Variants in TANC2 observed in about 807,000 individuals in gnomAD.
TANC2 encodes tetratricopeptide repeat, ankyrin repeat and coiled-coil containing 2.
TANC2 carries 26 observed loss-of-function variants against 210.5 expected under a neutral mutation model. That is an observed-to-expected ratio of 0.12 (90% CI 0.09 to 0.17). The LOEUF (loss-of-function observed/expected upper bound fraction) is 0.17, where lower values mean the gene tolerates loss of function less well. Ranked by LOEUF, TANC2 falls within the 10% of genes least tolerant of loss-of-function variation. The pLI is 1.00. For synonymous variants in TANC2, 931 were observed against 967.1 expected (o/e 0.96, Z 0.69); for missense variants, 2,129 against 2,608.9 (o/e 0.82, Z 4.01).
intron 5 of TANC2, among the ~76,000 whole-genome samples, chr17:63,175,186 T>G (rs979985851): frequency 6.6e-6 from 1 of 152,168 alleles, no homozygotes; most frequent in Non-Finnish European, 1.5e-5. Flanking sequence ...TACAAAAGAA[T>G]AATAAAGTTA....
rs372966886 is a variant in TANC2, at chr17:63,019,914, TTTTGTTTG to T, written c.67+10306_67+10313del. ...AAAATATATTCTCCCAGTCTATAGT[TTTTGTTTG>T]TTTGTTTGTTTGTTTGTATTTTGAG... On this transcript the variant is annotated intron_variant, in intron 2 of 27. Transcript: ENST00000689528. Among the ~76,000 whole-genome samples the T allele has an allele frequency of 6.6e-5, 10 of 152,114 alleles. No individual in the cohort carries two copies. The South Asian group carries it at 1.2e-3, about 19-fold the overall frequency.
chr17:63,359,486 C>T (rs1431694793), intron 14 of TANC2, among the ~76,000 whole-genome samples: 1 of 151,884 alleles, frequency 6.6e-6, no homozygotes, highest in African/African-American at 2.4e-5. Context: ...TGGGATATTA[C>T]AGGTACCTGC....
chr17:63,314,708 C>T (rs1228276553), intron 10 of TANC2, 39 bp downstream of exon 10: 17 of 1,594,214 alleles, frequency 1.1e-5, no homozygotes, highest in South Asian at 3.4e-5. Context: ...GTTTCATTGG[C>T]GCTGAAGTTT....
rs2031722487 is a variant in TANC2, at chr17:62,971,970, T to G, written c.-24+5221T>G. ...GCCAAAAAGGTTGGGGACCGCTGTT[T>G]CAGAGGACATTTTACTTTGCGTATT... On this transcript the variant is annotated intron_variant, in intron 1 of 27. Coordinates refer to ENST00000689528, the Ensembl canonical transcript of TANC2. Among the ~76,000 whole-genome samples, 3 of 152,334 alleles carry G rather than the reference T, an allele frequency of 2.0e-5. No homozygotes were observed. In the South Asian group the frequency reaches 6.2e-4, roughly 32 times the overall value.
intron 11 of TANC2, among the ~76,000 whole-genome samples, chr17:63,338,481 TATG>T (rs2046112485): frequency 6.6e-6 from 1 of 152,224 alleles, no homozygotes; most frequent in Non-Finnish European, 1.5e-5. Flanking sequence ...TGAAGTGAAA[TATG>T]ATGAAAGTTT....
At chr17:63,000,580 T>C (rs979176790) in intron 1 of TANC2, among the ~76,000 whole-genome samples, 5 of 152,192 alleles carry the variant, frequency 3.3e-5, no homozygotes, top group African/African-American at 1.2e-4. Context: ...ACCATGTAGA[T>C]AACATAATGT....
intron 4 of TANC2, among the ~76,000 whole-genome samples, chr17:63,116,146 AGT>A (rs1307228322): frequency 6.6e-6 from 1 of 152,190 alleles, no homozygotes; most frequent in African/African-American, 2.4e-5. Flanking sequence ...GTGATGGAAA[AGT>A]AACACAGAGA....
intron 1 of TANC2, among the ~76,000 whole-genome samples, chr17:62,980,864 C>G (rs1368593773): frequency 6.6e-6 from 1 of 152,144 alleles, no homozygotes; most frequent in Non-Finnish European, 1.5e-5. Flanking sequence ...ACATCGTACC[C>G]TCATATCCTC....
chr17:63,192,142 C>T (rs1257249409), intron 5 of TANC2, among the ~76,000 whole-genome samples: 9 of 152,128 alleles, frequency 5.9e-5, no homozygotes, highest in Admixed American at 1.3e-4. Flanking sequence ...AACCTGGTAT[C>T]GGATTTCTTT....
chr17:63,199,131 C>T (rs1190989992), intron 6 of TANC2, among the ~76,000 whole-genome samples: 3 of 151,986 alleles, frequency 2.0e-5, no homozygotes, highest in Non-Finnish European at 2.9e-5. Flanking sequence ...TAGGATGAGT[C>T]GAAGAGCCTT....
chr17:62,967,814 G>A, intron 1 of TANC2: 1 of 149,958 alleles, frequency 6.7e-6, no homozygotes, highest in Non-Finnish European at 1.5e-5. Context: ...GTATGTTCTT[G>A]GTGTTGGGAT....
Position 63,389,941 on chromosome 17 carries a change from G to C in TANC2, c.3051+397G>C, listed in dbSNP as rs1939439170. 21 of 241,436 alleles carry C rather than the reference G, an allele frequency of 8.7e-5. No homozygotes were observed. In the South Asian group the frequency reaches 1.2e-3, roughly 13 times the overall value. The allele number at this position is 241,436 out of a possible 1,614,324, so 15.0% of individuals were successfully genotyped here. A position where few individuals can be genotyped will look rare whatever the true frequency, so the allele number is the denominator to read the frequency against. On this transcript the variant is annotated intron_variant, in intron 17 of 27. Coordinates refer to ENST00000689528, the Ensembl canonical transcript of TANC2. ...AGGCTCTAAGCCTTTCATGTGTAGA[G>C]AAGAAAACTTAGCCATGGAGATGAG...
At chr17:63,035,767 C>T (rs2034946620) in intron 2 of TANC2, among the ~76,000 whole-genome samples, 1 of 152,200 alleles carries the variant, frequency 6.6e-6, no homozygotes, top group Non-Finnish European at 1.5e-5. Flanking sequence ...TGTTTAACTA[C>T]ACAAGGAACT....
intron 2 of TANC2, among the ~76,000 whole-genome samples, chr17:63,026,716 A>C (rs912458059): frequency 6.6e-6 from 1 of 152,154 alleles, no homozygotes; most frequent in Non-Finnish European, 1.5e-5. Flanking sequence ...TTTGCTTTCA[A>C]ATGTAATTTA....
chr17:63,256,286 A>G (rs2043193643), intron 8 of TANC2, among the ~76,000 whole-genome samples: 1 of 152,158 alleles, frequency 6.6e-6, no homozygotes, highest in African/African-American at 2.4e-5. Context: ...TAGGTGTTCC[A>G]TACTAGTTCT....
At chr17:63,055,954 C>A (rs2035759846) in intron 2 of TANC2, among the ~76,000 whole-genome samples, 2 of 96,918 alleles carry the variant, frequency 2.1e-5, no homozygotes, top group South Asian at 3.5e-4. Context: ...GTAGTGAGAC[C>A]TCATCTCTAC....
At chr17:63,108,807 CA>C (rs1287196073) in intron 4 of TANC2, among the ~76,000 whole-genome samples, 1 of 148,574 alleles carries the variant, frequency 6.7e-6, no homozygotes, top group African/African-American at 2.5e-5. Context: ...GACTCCATCT[CA>C]AAAAAAATAT....
chr17:63,226,799 G>A (rs1002591105), intron 7 of TANC2, among the ~76,000 whole-genome samples: 1 of 151,964 alleles, frequency 6.6e-6, no homozygotes, highest in Non-Finnish European at 1.5e-5. Context: ...TCCCCTCCTT[G>A]TGTCCATATG....
chr17:63,218,222 C>T (rs1337831823), intron 7 of TANC2, among the ~76,000 whole-genome samples: 5 of 151,758 alleles, frequency 3.3e-5, no homozygotes, highest in Non-Finnish European at 7.4e-5. Flanking sequence ...GAGCTGTGAT[C>T]ATGCCACTGC....
Sources: gnomAD v4.1 joint callset for allele counts (sites outside exome capture counted in the v4.1 genomes callset) on GRCh38, gnomAD v4.1.1 for gene constraint, MANE v1.5 for transcripts, NCBI Gene and HGNC (gene_info 2026-07-23, HGNC 2026-07-21) for gene names.